TMEM94: variants seen among roughly 807,000 people sequenced by gnomAD.
TMEM94 encodes the protein transmembrane protein 94.
In TMEM94, 81 loss-of-function variants were observed where a neutral mutation model predicts 158.6. The ratio of observed to expected loss-of-function variants is 0.51; its 90% CI spans 0.43 to 0.61. The LOEUF (loss-of-function observed/expected upper bound fraction) is 0.61, where lower values mean the gene tolerates loss of function less well. Ranked by LOEUF, TMEM94 falls within the 20% of genes least tolerant of loss-of-function variation. The pLI is 0.00. For missense variants in TMEM94, 1,435 were observed against 1,762.0 expected (o/e 0.81, Z 3.32); for synonymous variants, 751 against 730.7 (o/e 1.03, Z -0.45).
At chr17:75,496,692 G>A (rs1157182727) in intron 24 of TMEM94, 38 bp from the exon 25 acceptor site, 7 of 1,598,074 alleles carry the variant, frequency 4.4e-6, no homozygotes, top group Admixed American at 1.7e-5. Flanking sequence ...GAGAGGCCAG[G>A]TAGACCCAGG....
intron 2 of TMEM94, among the ~76,000 whole-genome samples, chr17:75,477,057 G>A (rs2050732371): frequency 6.6e-6 from 1 of 152,162 alleles, no homozygotes; most frequent in Non-Finnish European, 1.5e-5. Flanking sequence ...AGAAGCTCAG[G>A]GCCAGGATGC....
rs181975461 is a variant in TMEM94, at chr17:75,475,892, C to T, written c.24+3963C>T. 6.8e-3 allele frequency among the ~76,000 whole-genome samples: 1,033 copies of T among 152,356 alleles called. 9 individuals are homozygous for T. The highest frequency in any genetic ancestry group is 0.023 in the African/African-American group (969 of 41,586). On this transcript the variant is annotated intron_variant, in intron 2 of 31. Transcript: ENST00000314256. ...CTTTGGGCTGGCTCTTCCCTCCCTA[C>T]TGGATCCTTCCTTCTGTCAGCTGCC...
At position 75,489,393 on chromosome 17, in the gene TMEM94, G is replaced by T. The variant is rs745883789; in HGVS notation, c.867+25G>T. ...GGTGCGTGTGGCGGGGCTGTGCGGGGCTGCATGGGGCAGAGGAGAGGGCTG... is the reference window on the plus strand; with the variant it reads ...GGTGCGTGTGGCGGGGCTGTGCGGGTCTGCATGGGGCAGAGGAGAGGGCTG... On this transcript the variant is annotated intron_variant, in intron 8 of 31. Transcript: ENST00000314256. This position sits in a 1 kb window ranked among gnomAD's most constrained non-coding sequence, Gnocchi z 5.0. 4.4e-6 allele frequency: 7 copies of T among 1,605,820 alleles called. No individual in the cohort carries two copies. The highest frequency in any genetic ancestry group is 6.0e-6 in the Non-Finnish European group (7 of 1,172,504).
At position 75,483,186 on chromosome 17, in the gene TMEM94, A is replaced by G. The variant is rs896599399; in HGVS notation, c.25-2242A>G. 5.3e-5 allele frequency among the ~76,000 whole-genome samples: 8 copies of G among 152,228 alleles called. No homozygotes were observed. The East Asian group carries it at 1.5e-3, about 29-fold the overall frequency. ...GTCAGGAGGAGCAGGAAAGGAGGCC[A>G]GGGAGGCTGGCACATCTGAAGGGTC... On this transcript the variant is annotated intron_variant, in intron 2 of 31. Transcript: ENST00000314256.
chr17:75,475,071 G>A (rs1282735255), intron 2 of TMEM94, among the ~76,000 whole-genome samples: 2 of 152,306 alleles, frequency 1.3e-5, no homozygotes, highest in East Asian at 3.9e-4. Flanking sequence ...TGGACTTGTA[G>A]CTCCCACCCG....
chr17:75,470,805 G>A (rs550980735), intron 1 of TMEM94, among the ~76,000 whole-genome samples: 2 of 151,622 alleles, frequency 1.3e-5, no homozygotes, highest in East Asian at 3.9e-4. Context: ...TGTAATCCCA[G>A]CTACTTGAGG....
At chr17:75,458,259 G>C (rs1255630099) in intron 1 of TMEM94, among the ~76,000 whole-genome samples, 1 of 152,074 alleles carries the variant, frequency 6.6e-6, no homozygotes, top group African/African-American at 2.4e-5. Context: ...CCATTGAAGA[G>C]AGAAGAAATG....
At chr17:75,464,818 C>T (rs1050205158) in intron 1 of TMEM94, among the ~76,000 whole-genome samples, 2 of 151,796 alleles carry the variant, frequency 1.3e-5, no homozygotes, top group Non-Finnish European at 2.9e-5. Context: ...ATGCGATTCT[C>T]CTGCCTCAGC....
rs1434288449 is a variant in TMEM94, at chr17:75,498,773, C to T, written c.3827+51C>T. 6.5e-7 allele frequency: 1 copy of T among 1,532,086 alleles called. No individual in the cohort carries two copies. Among genetic ancestry groups the T allele is most frequent in the Non-Finnish European group, 8.8e-7 (1 of 1,138,214 alleles). The allele number at this position is 1,532,086 out of a possible 1,614,324, so 94.9% of individuals were successfully genotyped here. ...GAGTGTGGGCTGGGGAGGAGAGGGCCTTCTGCAGGGCTAGGATCGGAGGGC... is the reference window on the plus strand; with the variant it reads ...GAGTGTGGGCTGGGGAGGAGAGGGCTTTCTGCAGGGCTAGGATCGGAGGGC... On this transcript the variant is annotated intron_variant, in intron 30 of 31. Coordinates refer to ENST00000314256, the MANE Select transcript of TMEM94 (RefSeq NM_014738.6). The surrounding 1 kb of genome is among the most constrained non-coding windows in gnomAD (Gnocchi z 6.7).
chr17:75,464,080 C>G (rs2050201584), intron 1 of TMEM94, among the ~76,000 whole-genome samples: 1 of 152,192 alleles, frequency 6.6e-6, no homozygotes, highest in Non-Finnish European at 1.5e-5. Context: ...TGCCCTCAAC[C>G]TGAGCCTTGG....
chr17:75,457,791 C>T (rs543336959), intron 1 of TMEM94: 1 of 152,254 alleles, frequency 6.6e-6, no homozygotes, highest in African/African-American at 2.4e-5. Context: ...AGGCCAGGGT[C>T]ACCTAGAGCC....
Position 75,462,766 on chromosome 17 carries a change from G to A in TMEM94, c.-107+6015G>A, listed in dbSNP as rs574704675. Among the ~76,000 whole-genome samples the A allele has an allele frequency of 4.2e-4, 62 of 146,682 alleles. 1 individual carries two copies. The South Asian group carries it at 6.5e-3, about 15-fold the overall frequency. On this transcript the variant is annotated intron_variant, in intron 1 of 31. Transcript: ENST00000314256. ...GCACTTTGGGAGGCTGAGGTGGGAG[G>A]ATTTGCTTGAGCCCCAGAGTTCTAG... is the stretch of plus-strand genomic sequence containing the variant.
Position 75,492,720 on chromosome 17 carries a change from C to T in TMEM94, c.1843C>T (p.Gln615Ter). 2 of 1,611,778 alleles carry T rather than the reference C, an allele frequency of 1.2e-6. No homozygotes were observed. Among genetic ancestry groups the T allele is most frequent in the Non-Finnish European group, 1.7e-6 (2 of 1,179,984 alleles). ...FSDHLCNIAL[Q>*]ESHSAVLPVH... ...CGACCACCTGTGCAACATCGCCCTG[C>T]AAGAGAGCCACAGCGCCGTGCTGCC... Residue 615 changes from glutamine to a stop codon, truncating the protein, a stop_gained, in exon 15 of 32, where the codon CAA (glutamine) becomes TAA (stop). Transcript: ENST00000314256. LOFTEE classifies it high-confidence loss of function. This position sits in a 1 kb window ranked among gnomAD's most constrained non-coding sequence, Gnocchi z 4.4.
At position 75,494,637 on chromosome 17, in the gene TMEM94, G is replaced by C. The variant is rs1261658666; in HGVS notation, c.2418G>C (p.Gly806=). 1 of 1,613,486 alleles carries C rather than the reference G, an allele frequency of 6.2e-7. No homozygotes were observed. The highest frequency in any genetic ancestry group is 1.1e-5 in the South Asian group (1 of 91,074). Residue 806 remains glycine (G), a synonymous_variant, in exon 19 of 32, where the codon GGG becomes GGC. Coordinates refer to ENST00000314256, the MANE Select transcript of TMEM94 (RefSeq NM_014738.6). ...RSSWSSDEGI[G]EVLEKEDCMQ... is the part of the protein sequence containing the mutation. ...GTGTCCTGCCTGAAGAAGGGATCGGGGAGGTGCTGGAGAAGGAAGACTGCA... is the reference window on the plus strand; with the variant it reads ...GTGTCCTGCCTGAAGAAGGGATCGGCGAGGTGCTGGAGAAGGAAGACTGCA...
Position 75,495,139 on chromosome 17 carries a change from T to G in TMEM94, c.2728+105T>G. The G allele has an allele frequency of 1.3e-6, 2 of 1,483,128 alleles. No homozygotes were observed. Among genetic ancestry groups the G allele is most frequent in the Non-Finnish European group, 1.8e-6 (2 of 1,093,728 alleles). 91.9% of individuals were successfully genotyped at this position (1,483,128 alleles called of 1,614,324 possible). On this transcript the variant is annotated intron_variant, in intron 20 of 31. Transcript: ENST00000314256. This position sits in a 1 kb window ranked among gnomAD's most constrained non-coding sequence, Gnocchi z 5.6. Reference sequence around the variant, plus strand: ...CCGGAGAGCCCTCCAGTTAAGTACATTCCCTTGGGAAATGGCTCTGATGTC... The same window carrying G: ...CCGGAGAGCCCTCCAGTTAAGTACAGTCCCTTGGGAAATGGCTCTGATGTC...
Position 75,471,847 on chromosome 17 carries a change from G to A in TMEM94, c.-59G>A, listed in dbSNP as rs375293113. On this transcript the variant is annotated 5_prime_UTR_variant, in exon 2 of 32. Coordinates refer to ENST00000314256, the MANE Select transcript of TMEM94 (RefSeq NM_014738.6). ...ACTGGGGTTTGTACATGCTGGGGAG[G>A]AGCCTTCCTTTCAGGGGTGACCACA... is the stretch of plus-strand genomic sequence containing the variant. 1,890 of 1,591,068 alleles carry A rather than the reference G, an allele frequency of 1.2e-3. 20 individuals carry two copies. The highest frequency in any genetic ancestry group is 0.012 in the South Asian group (1,071 of 90,506).
Position 75,491,627 on chromosome 17 carries a change from A to G in TMEM94, c.1387-64A>G. On this transcript the variant is annotated intron_variant, in intron 13 of 31. Transcript: ENST00000314256. The surrounding 1 kb of genome is among the most constrained non-coding windows in gnomAD (Gnocchi z 5.1). ...AGACAAGGCAGCCAGGGGACCTAGAAGCATCCTGCCTCCCCAGGCCATGGG... is the reference window on the plus strand; with the variant it reads ...AGACAAGGCAGCCAGGGGACCTAGAGGCATCCTGCCTCCCCAGGCCATGGG... 6.4e-7 allele frequency: 1 copy of G among 1,573,422 alleles called. No individual in the cohort carries two copies. The highest frequency in any genetic ancestry group is 8.7e-7 in the Non-Finnish European group (1 of 1,148,904).
chr17:75,458,779 C>T (rs1211760619), intron 1 of TMEM94, among the ~76,000 whole-genome samples: 3 of 150,724 alleles, frequency 2.0e-5, no homozygotes, highest in East Asian at 2.0e-4. Context: ...GACTATTGGC[C>T]GGGCGCAGTG....
chr17:75,479,216 C>T (rs1045556529), intron 2 of TMEM94, among the ~76,000 whole-genome samples: 2 of 152,070 alleles, frequency 1.3e-5, no homozygotes, highest in Non-Finnish European at 2.9e-5. Flanking sequence ...GCCTATAATC[C>T]CAGCCCTATG....
Sources: allele counts gnomAD v4.1 joint callset (sites outside exome capture counted in the v4.1 genomes callset), GRCh38; gene constraint gnomAD v4.1.1; non-coding constraint Gnocchi (gnomAD v3.1); transcripts MANE v1.5; gene names NCBI Gene and HGNC (gene_info 2026-07-23, HGNC 2026-07-21).